Variants in ME2 observed in about 807,000 individuals in gnomAD.
The protein encoded by ME2 is NAD-dependent malic enzyme, mitochondrial.
ME2 carries 60 observed loss-of-function variants against 73.7 expected under a neutral mutation model. The ratio of observed to expected loss-of-function variants is 0.81; its 90% CI spans 0.66 to 1.01. The LOEUF is 1.01. ME2 is among the 50% of genes least tolerant of loss of function. The probability of loss-of-function intolerance (pLI) is 0.00; values close to 1 mark genes in which losing one functional copy is unlikely to be tolerated. For synonymous variants in ME2, 199 were observed against 236.9 expected, an observed-to-expected ratio of 0.84 and a Z score of 1.47; for missense variants, 594 against 705.5, an observed-to-expected ratio of 0.84 and a Z score of 1.79.
In ME2 at chr18:50,917,493, G is replaced by T; in HGVS notation, c.615G>T (p.Val205=). 1 of 1,602,322 alleles carries T rather than the reference G, an allele frequency of 6.2e-7. No homozygotes were observed. Among genetic ancestry groups the T allele is most frequent in the Non-Finnish European group, 8.5e-7 (1 of 1,172,264 alleles). ...GATGCCTGCCAGTGTGTATTGATGT[G>T]GGAACTGATAATATCGTGAGTAACA... The part of the protein sequence containing the change: ...PDRCLPVCID[V]GTDNIALLKD... Residue 205 remains valine (V), a synonymous_variant, in exon 6 of 16, where the codon GTG becomes GTT. Transcript: ENST00000321341.
chr18:50,908,913 T>C (rs1156983362), intron 3 of ME2, among the ~76,000 whole-genome samples: 1 of 151,434 alleles, frequency 6.6e-6, no homozygotes, highest in Non-Finnish European at 1.5e-5. Context: ...AGTGCTGGGA[T>C]TATAGGCATG....
In ME2 at chr18:50,950,015, T is replaced by C. The variant is rs1918185830; in HGVS notation, c.*2831T>C. 2 of 152,196 alleles carry C rather than the reference T, an allele frequency of 1.3e-5. No homozygotes were observed. Among genetic ancestry groups the C allele is most frequent in the Non-Finnish European group, 2.9e-5 (2 of 68,020 alleles). 9.4% of individuals were successfully genotyped at this position (152,196 alleles called of 1,614,324 possible). On this transcript the variant is annotated 3_prime_UTR_variant, in exon 16 of 16. Transcript: ENST00000321341. ...CTAGCAAGAAGGTAATTATTTTGAA[T>C]AACAGCAATAGAGAATCTTTTATTT...
intron 14 of ME2, 176 bp from the exon 15 acceptor site, chr18:50,940,112 T>C (rs1264137533): frequency 3.5e-6 from 2 of 570,274 alleles, no homozygotes; most frequent in Non-Finnish European, 6.2e-6. Flanking sequence ...TCTGGTTATT[T>C]ATTGTTTAGT....
chr18:50,880,583 A>C (rs2144170400), intron 1 of ME2, among the ~76,000 whole-genome samples: 1 of 152,290 alleles, frequency 6.6e-6, no homozygotes, highest in South Asian at 2.1e-4. Context: ...AGGGCAGCTA[A>C]TTTTTGTAAT....
intron 11 of ME2, 32 bp downstream of exon 11, chr18:50,924,244 C>T: frequency 7.1e-7 from 1 of 1,409,912 alleles, no homozygotes; most frequent in Middle Eastern, 1.8e-4. Context: ...AATAATTTTA[C>T]TCCCTAACTG....
rs752818775 is a variant in ME2 at position 50,917,333 on chromosome 18, T to G, written c.469-14T>G. On this transcript the variant is annotated splice_polypyrimidine_tract_variant and intron_variant, in intron 5 of 15. Transcript: ENST00000321341. ...TTTTTGACAACTTTTAATTTGCATT[T>G]TTTTGTGATTAAGGCTGTTGTAGTG... 8 of 1,593,306 alleles carry G rather than the reference T, an allele frequency of 5.0e-6. No individual in the cohort carries two copies. The highest frequency in any genetic ancestry group is 3.5e-5 in the Admixed American group (2 of 57,588).
chr18:50,947,970 G>C lies in ME2; in HGVS notation c.*786G>C, dbSNP rs551708884. The C allele has an allele frequency of 2.0e-5, 3 of 152,100 alleles. No homozygotes were observed. Among genetic ancestry groups the C allele is most frequent in the African/African-American group, 4.8e-5 (2 of 41,418 alleles). 9.4% of individuals were successfully genotyped at this position (152,100 alleles called of 1,614,324 possible). ...AAAACACATATTTTTGTTACTTCTAGATGATTCTAGGAGGGAGTATAAGAT... is the reference window on the plus strand; with the variant it reads ...AAAACACATATTTTTGTTACTTCTACATGATTCTAGGAGGGAGTATAAGAT... On this transcript the variant is annotated 3_prime_UTR_variant, in exon 16 of 16. Coordinates refer to ENST00000321341, the MANE Select transcript of ME2 (RefSeq NM_002396.5).
intron 3 of ME2, 63 bp downstream of exon 3, chr18:50,908,259 A>G: frequency 1.7e-6 from 2 of 1,153,416 alleles, no homozygotes; most frequent in Non-Finnish European, 1.2e-6. Context: ...TATGAGCATT[A>G]TGGTTATTAT....
At chr18:50,938,294 A>G (rs766054779) in intron 13 of ME2, among the ~76,000 whole-genome samples, 2 of 152,230 alleles carry the variant, frequency 1.3e-5, no homozygotes, top group African/African-American at 4.8e-5. Context: ...ACTGTACTCC[A>G]GCCTGAGTGA....
At chr18:50,919,000 C>T (rs1917357044) in intron 7 of ME2, among the ~76,000 whole-genome samples, 3 of 152,172 alleles carry the variant, frequency 2.0e-5, no homozygotes, top group Admixed American at 2.0e-4. Context: ...CAGTAACATT[C>T]ATCCTGTTGC....
chr18:50,904,279 GT>G (rs35061724), intron 2 of ME2, among the ~76,000 whole-genome samples: 59 of 137,034 alleles, frequency 4.3e-4, no homozygotes, highest in East Asian at 1.0e-3. Flanking sequence ...TCTTTCTTCT[GT>G]TTTTTTTTTT....
In ME2 at chr18:50,947,899, G is replaced by T. The variant is rs2144280548; in HGVS notation, c.*715G>T. ...AAATATCTTACATTTAATTGCTTCA[G>T]TTATGCTATCTTATTGCCCAACTAG... is the stretch of plus-strand genomic sequence containing the variant. On this transcript the variant is annotated 3_prime_UTR_variant, in exon 16 of 16. Transcript: ENST00000321341. 6.6e-6 allele frequency: 1 copy of T among 152,154 alleles called. No homozygotes were observed. The highest frequency in any genetic ancestry group is 1.9e-4 in the East Asian group (1 of 5,182). The allele number at this position is 152,154 out of a possible 1,614,324, so 9.4% of individuals were successfully genotyped here.
Position 50,938,436 on chromosome 18 carries a change from A to C in ME2, c.1418-1134A>C, listed in dbSNP as rs190552515. 6.0e-3 allele frequency among the ~76,000 whole-genome samples: 916 copies of C among 152,356 alleles called. 12 individuals are homozygous for C. The highest frequency in any genetic ancestry group is 0.021 in the African/African-American group (884 of 41,574). On this transcript the variant is annotated intron_variant, in intron 13 of 15. Coordinates refer to ENST00000321341, the MANE Select transcript of ME2 (RefSeq NM_002396.5). ...ATGCTTCTCACCAGCACTGGAAGCT[A>C]GATGGTATTGGAATAATACCTCACA...
chr18:50,932,406 TAAAA>T, intron 13 of ME2, 46 bp downstream of exon 13: 1 of 1,425,168 alleles, frequency 7.0e-7, no homozygotes, highest in Non-Finnish European at 9.8e-7. Context: ...GTTAATTATG[TAAAA>T]ATACTTAATG....
At chr18:50,936,017 C>A (rs1161109556) in intron 13 of ME2, among the ~76,000 whole-genome samples, 1 of 151,728 alleles carries the variant, frequency 6.6e-6, no homozygotes, top group Non-Finnish European at 1.5e-5. Flanking sequence ...AATCAATATT[C>A]AAAAAGCTCA....
At chr18:50,916,326 T>C (rs1237494900) in intron 5 of ME2, 83 bp downstream of exon 5, 7 of 1,090,118 alleles carry the variant, frequency 6.4e-6, no homozygotes, top group Non-Finnish European at 8.3e-6. Context: ...CAGTTTTTCA[T>C]TGTTGCTCTC....
intron 2 of ME2, 121 bp downstream of exon 2, chr18:50,896,049 T>G: frequency 1.5e-6 from 1 of 664,564 alleles, no homozygotes; most frequent in Non-Finnish European, 2.5e-6. Flanking sequence ...GAGATAGTTG[T>G]TTACATGAAA....
chr18:50,937,345 G>A (rs1917840979), intron 13 of ME2, among the ~76,000 whole-genome samples: 1 of 152,146 alleles, frequency 6.6e-6, no homozygotes, highest in Non-Finnish European at 1.5e-5. Context: ...TTCTAGGCTG[G>A]GAGACACCAG....
At chr18:50,930,145 A>G (rs1032357452) in intron 12 of ME2, among the ~76,000 whole-genome samples, 1 of 152,062 alleles carries the variant, frequency 6.6e-6, no homozygotes, top group Non-Finnish European at 1.5e-5. Context: ...CTGTGGTCTT[A>G]GCTACTTGGG....
Sources: gnomAD v4.1 joint callset for allele counts (sites outside exome capture counted in the v4.1 genomes callset) on GRCh38, gnomAD v4.1.1 for gene constraint, MANE v1.5 for transcripts, NCBI Gene and HGNC (gene_info 2026-07-23, HGNC 2026-07-21) for gene names.